ZDHHC11B: variants seen among roughly 807,000 people sequenced by gnomAD.
ZDHHC11B encodes zDHHC palmitoyltransferase 11B (putative).
A neutral mutation model predicts 42.3 loss-of-function variants in ZDHHC11B; 17 were observed. The observed-to-expected ratio is 0.40, with a 90% confidence interval of 0.27 to 0.60. The LOEUF (loss-of-function observed/expected upper bound fraction) is 0.60. Among genes scored for constraint, ZDHHC11B ranks in the 20% least tolerant of loss-of-function variants. ZDHHC11B has a pLI of 0.41. For synonymous variants in ZDHHC11B, 123 were observed against 193.5 expected, an observed-to-expected ratio of 0.64 and a Z score of 3.02; for missense variants, 262 against 463.2, an observed-to-expected ratio of 0.57 and a Z score of 3.99.
chr5:746,724 TGA>T (rs1744881620), intron 8 of ZDHHC11B, among the ~76,000 whole-genome samples: 1 of 150,480 alleles, frequency 6.6e-6, no homozygotes, highest in Non-Finnish European at 1.5e-5. Context: ...AGCGTGCAGG[TGA>T]CCATGCCTCA....
At chr5:712,788 A>G (rs1741468162) in intron 13 of ZDHHC11B, among the ~76,000 whole-genome samples, 1 of 151,836 alleles carries the variant, frequency 6.6e-6, no homozygotes, top group African/African-American at 2.4e-5. Context: ...GGGCAACTGT[A>G]GGCCCAGCTA....
chr5:776,324 C>T (rs1229432128), intron 1 of ZDHHC11B, among the ~76,000 whole-genome samples: 1 of 151,898 alleles, frequency 6.6e-6, no homozygotes, highest in Admixed American at 6.6e-5. Context: ...TGGGATGGCC[C>T]CTCTGCAACG....
rs1159425296 is a variant in ZDHHC11B, at chr5:710,410, CT to C, written c.*1879del. 6.5e-6 allele frequency: 1 copy of C among 153,666 alleles called. No homozygotes were observed. Among genetic ancestry groups the C allele is most frequent in the Admixed American group, 6.6e-5 (1 of 15,250 alleles). The allele number at this position is 153,666 out of a possible 1,614,324, so 9.5% of individuals were successfully genotyped here. ...AAACTGATTATCTTTTAAAATATGA[CT>C]ACTAAACAGACTAAAACGCAGAGTT... On this transcript the variant is annotated 3_prime_UTR_variant, in exon 14 of 14. Transcript: ENST00000508859.
At position 756,479 on chromosome 5, in the gene ZDHHC11B, A is replaced by T. The variant is rs1733863354; in HGVS notation, c.223-335T>A. Reference sequence around the variant, plus strand: ...ACACACAGCCCTGTGCCAGTCGGGGACCGGGAAGGCTGCCCCCATGCCCCT... The same window carrying T: ...ACACACAGCCCTGTGCCAGTCGGGGTCCGGGAAGGCTGCCCCCATGCCCCT... On this transcript the variant is annotated intron_variant, in intron 4 of 13. Coordinates refer to ENST00000508859, the MANE Select transcript of ZDHHC11B (RefSeq NM_001351303.2). Among the ~76,000 whole-genome samples, 7 of 151,698 alleles carry T rather than the reference A, an allele frequency of 4.6e-5. No individual in the cohort carries two copies. In the South Asian group the frequency reaches 1.5e-3, roughly 32 times the overall value.
At chr5:751,445 AGGGACACGCAGGGCATC>A (rs1745695003) in intron 6 of ZDHHC11B, among the ~76,000 whole-genome samples, 188 bp from the exon 7 acceptor site, 4 of 26,742 alleles carry the variant, frequency 1.5e-4, no homozygotes, top group Middle Eastern at 0.016. Context: ...AGGCAGGGGC[AGGGACACGCAGGGCATC>A]TGAGGCAGGG....
intron 12 of ZDHHC11B, among the ~76,000 whole-genome samples, chr5:722,325 A>G (rs1742251152): frequency 6.6e-6 from 1 of 151,772 alleles, no homozygotes; most frequent in Non-Finnish European, 1.5e-5. Flanking sequence ...GGTTTGTATA[A>G]AGAATATATA....
intron 1 of ZDHHC11B, among the ~76,000 whole-genome samples, chr5:779,258 C>G (rs1156605221): frequency 6.0e-5 from 9 of 150,652 alleles, no homozygotes; most frequent in African/African-American, 2.2e-4. Context: ...CATGAGATGC[C>G]TGGACGCTGG....
intron 12 of ZDHHC11B, among the ~76,000 whole-genome samples, chr5:725,133 C>T (rs1426801851): frequency 6.6e-6 from 1 of 151,380 alleles, no homozygotes; most frequent in Non-Finnish European, 1.5e-5. Flanking sequence ...TTCGTGAGTG[C>T]CTTCAGAACA....
intron 11 of ZDHHC11B, 90 bp from the exon 12 acceptor site, chr5:730,558 T>A: frequency 1.5e-6 from 2 of 1,350,102 alleles, no homozygotes; most frequent in Non-Finnish European, 2.0e-6. Context: ...AGTTCATTAC[T>A]AGTCAGTTCT....
chr5:716,491 C>G (rs1432827641), intron 13 of ZDHHC11B, among the ~76,000 whole-genome samples: 1 of 151,764 alleles, frequency 6.6e-6, no homozygotes, highest in Non-Finnish European at 1.5e-5. Flanking sequence ...TAGATCAGTA[C>G]AATTGGGTGA....
At chr5:778,710 G>T (rs1447612212) in intron 1 of ZDHHC11B, among the ~76,000 whole-genome samples, 186 of 151,604 alleles carry the variant, frequency 1.2e-3, no homozygotes, top group African/African-American at 4.3e-3. Flanking sequence ...ATCTGGAAAT[G>T]AGATCATCTT....
At position 766,684 on chromosome 5, in the gene ZDHHC11B, G is replaced by A. The variant is rs200176278; in HGVS notation, c.222+14C>T. On this transcript the variant is annotated intron_variant, in intron 4 of 13. Coordinates refer to ENST00000508859, the MANE Select transcript of ZDHHC11B (RefSeq NM_001351303.2). ...ACCCCTCCCGCTTAGACCATGCCACGATGAAAAGGATACCACATAGGCGAT... is the reference window on the plus strand; with the variant it reads ...ACCCCTCCCGCTTAGACCATGCCACAATGAAAAGGATACCACATAGGCGAT... 4.4e-6 allele frequency: 7 copies of A among 1,598,372 alleles called. No individual in the cohort carries two copies. The East Asian group carries it at 9.0e-5, about 21-fold the overall frequency.
At chr5:766,508 G>C (rs868078400) in intron 4 of ZDHHC11B, among the ~76,000 whole-genome samples, 190 bp downstream of exon 4, 13 of 151,928 alleles carry the variant, frequency 8.6e-5, no homozygotes, top group South Asian at 2.1e-4. Flanking sequence ...CAGCTGTCCT[G>C]ACCCTGAGCA....
At chr5:777,494 A>C (rs1736614481) in intron 1 of ZDHHC11B, among the ~76,000 whole-genome samples, 1 of 151,834 alleles carries the variant, frequency 6.6e-6, no homozygotes, top group African/African-American at 2.4e-5. Flanking sequence ...GGCAAGATTT[A>C]TTGCTAAGAG....
At position 756,351 on chromosome 5, in the gene ZDHHC11B, C is replaced by A. The variant is rs1337574207; in HGVS notation, c.223-207G>T. ...GCACACATGGCCCTATACACTTGGC[C>A]CTTCACACACAGCCCTGCTCACCCA... On this transcript the variant is annotated intron_variant, in intron 4 of 13. Transcript: ENST00000508859. 3.3e-5 allele frequency among the ~76,000 whole-genome samples: 5 copies of A among 151,730 alleles called. No homozygotes were observed. The East Asian group carries it at 9.7e-4, about 29-fold the overall frequency.
In ZDHHC11B at chr5:748,473, G is replaced by A. The variant is rs773261620; in HGVS notation, c.715C>T (p.Leu239Phe). The change falls in exon 8 of 14, where the codon CTC becomes TTC. Residue 239 changes from leucine (L) to phenylalanine (F), a missense_variant. By Grantham distance (22) the Leu-to-Phe change is conservative. Transcript: ENST00000508859. ...CCAAGAAGGTCCAGCAGGAGCACGA[G>A]CATCCTGATGATCACGACTATCAGA... ...QTLIVVIIRM[L>F]VLLLDLLGLV... 7.3e-7 allele frequency: 1 copy of A among 1,363,540 alleles called. No individual in the cohort carries two copies. The highest frequency in any genetic ancestry group is 9.8e-7 in the Non-Finnish European group (1 of 1,024,208). The allele number at this position is 1,363,540 out of a possible 1,614,324, so 84.5% of individuals were successfully genotyped here.
chr5:730,108 ACT>A lies in ZDHHC11B; in HGVS notation c.1058+324_1058+325del, dbSNP rs1742903382. Among the ~76,000 whole-genome samples, 3 of 151,636 alleles carry A rather than the reference ACT, an allele frequency of 2.0e-5. No homozygotes were observed. In the South Asian group the frequency reaches 6.3e-4, roughly 32 times the overall value. On this transcript the variant is annotated intron_variant, in intron 12 of 13. Coordinates refer to ENST00000508859, the MANE Select transcript of ZDHHC11B (RefSeq NM_001351303.2). ...TTTAGAGTTGAAATGACAAGATCTG[ACT>A]CTCAATGAAACACTATTAGAAACAT...
At chr5:720,409 A>G (rs1485087298) in intron 12 of ZDHHC11B, among the ~76,000 whole-genome samples, 27 of 151,798 alleles carry the variant, frequency 1.8e-4, no homozygotes, top group Admixed American at 1.7e-3. Flanking sequence ...CTGGCAACCA[A>G]GAGTTCTATA....
intron 9 of ZDHHC11B, among the ~76,000 whole-genome samples, chr5:742,431 C>T (rs1744265571): frequency 7.5e-6 from 1 of 132,800 alleles, no homozygotes; most frequent in Non-Finnish European, 1.6e-5. Flanking sequence ...TTGCCTGTGG[C>T]TTGCACAGGA....
Sources: gnomAD v4.1 joint callset for allele counts (sites outside exome capture counted in the v4.1 genomes callset) on GRCh38, gnomAD v4.1.1 for gene constraint, MANE v1.5 for transcripts, NCBI Gene and HGNC (gene_info 2026-07-23, HGNC 2026-07-21) for gene names.